GOLGA7: variants seen among roughly 807,000 people sequenced by gnomAD.
GOLGA7 encodes the protein golgin A7.
A neutral mutation model predicts 21.1 loss-of-function variants in GOLGA7; 10 were observed. The observed-to-expected ratio is 0.47, with a 90% CI of 0.29 to 0.80. The LOEUF (loss-of-function observed/expected upper bound fraction) is 0.80. GOLGA7 is among the 30% of genes least tolerant of loss of function. GOLGA7 has a pLI of 0.08. For synonymous variants in GOLGA7, 64 were observed against 62.6 expected, an observed-to-expected ratio of 1.02 and a Z score of -0.10; for missense variants, 114 against 166.8, an observed-to-expected ratio of 0.68 and a Z score of 1.74.
intron 2 of GOLGA7, among the ~76,000 whole-genome samples, chr8:41,504,412 C>T (rs538171768): frequency 6.6e-6 from 1 of 152,214 alleles, no homozygotes; most frequent in East Asian, 1.9e-4. Context: ...CTTAGTTGGG[C>T]ACCTTTATGG....
At chr8:41,505,573 A>T (rs111291705) in intron 2 of GOLGA7, among the ~76,000 whole-genome samples, 3,268 of 152,330 alleles carry the variant, frequency 0.021, 63 homozygotes, top group Middle Eastern at 0.061. Context: ...AAGCTTGAGC[A>T]GCCATTGTGT....
chr8:41,493,353 G>T (rs1805931367), intron 1 of GOLGA7, among the ~76,000 whole-genome samples: 1 of 152,178 alleles, frequency 6.6e-6, no homozygotes, highest in East Asian at 1.9e-4. Flanking sequence ...ACATAATAGA[G>T]AAAGTGACTA....
chr8:41,496,461 A>G (rs1806016368), intron 1 of GOLGA7, among the ~76,000 whole-genome samples: 1 of 152,172 alleles, frequency 6.6e-6, no homozygotes, highest in African/African-American at 2.4e-5. Flanking sequence ...GTATTAGTGT[A>G]AATTTAAGAT....
At chr8:41,504,128 A>AAAC (rs1806220237) in intron 2 of GOLGA7, among the ~76,000 whole-genome samples, 1 of 116,258 alleles carries the variant, frequency 8.6e-6, no homozygotes, top group Non-Finnish European at 1.8e-5. Flanking sequence ...AATAAAAAAA[A>AAAC]AAAAAAAACA....
intron 2 of GOLGA7, among the ~76,000 whole-genome samples, chr8:41,501,308 A>AT (rs58977260): frequency 0.15 from 22,073 of 143,556 alleles, 2,224 homozygotes; most frequent in African/African-American, 0.3. Context: ...CTTGAGGTCG[A>AT]TTTTTTTTTT....
intron 2 of GOLGA7, among the ~76,000 whole-genome samples, chr8:41,505,072 A>G (rs918031718): frequency 2.0e-5 from 3 of 152,222 alleles, no homozygotes; most frequent in African/African-American, 7.2e-5. Flanking sequence ...TAAAACATGT[A>G]ACTCTTTGAT....
chr8:41,499,958 T>C (rs1157989285), intron 2 of GOLGA7, among the ~76,000 whole-genome samples: 2 of 152,220 alleles, frequency 1.3e-5, no homozygotes, highest in African/African-American at 4.8e-5. Flanking sequence ...CTGTTTAAAC[T>C]TTCAAAATCA....
intron 1 of GOLGA7, among the ~76,000 whole-genome samples, chr8:41,493,263 CTACTACTT>C (rs1419464714): frequency 6.6e-6 from 1 of 152,200 alleles, no homozygotes; most frequent in Non-Finnish European, 1.5e-5. Flanking sequence ...TTCTGTTTCT[CTACTACTT>C]ACCCTAGAAA....
chr8:41,506,875 A>G (rs1806299684), intron 3 of GOLGA7, among the ~76,000 whole-genome samples, 184 bp from the exon 4 acceptor site: 1 of 152,212 alleles, frequency 6.6e-6, no homozygotes, highest in South Asian at 2.1e-4. Flanking sequence ...GTGGACTACT[A>G]TAATTACATT....
At chr8:41,492,064 A>G (rs1028013737) in intron 1 of GOLGA7, among the ~76,000 whole-genome samples, 3 of 152,236 alleles carry the variant, frequency 2.0e-5, no homozygotes, top group Non-Finnish European at 4.4e-5. Context: ...ACAATGATCC[A>G]TTATAGTTTC....
rs867483397 is a variant in GOLGA7 at position 41,493,762 on chromosome 8, G to T, written c.111+2797G>T. Among the ~76,000 whole-genome samples the T allele has an allele frequency of 6.4e-4, 97 of 152,260 alleles. 2 individuals carry two copies. Among genetic ancestry groups the T allele is most frequent in the Middle Eastern group, 3.4e-3 (1 of 294 alleles). On this transcript the variant is annotated intron_variant, in intron 1 of 4. Transcript: ENST00000357743. ...ACAGTAATTCTGGGAAAATAAGCCT[G>T]ATTTCTCTTTCCATTCTGATTTTTG...
chr8:41,490,684 C>T lies in GOLGA7; in HGVS notation c.-171C>T. The T allele has an allele frequency of 3.6e-6, 2 of 553,606 alleles. No homozygotes were observed. The highest frequency in any genetic ancestry group is 4.7e-4 in the Middle Eastern group (1 of 2,128). The allele number at this position is 553,606 out of a possible 1,614,324, so 34.3% of individuals were successfully genotyped here. The stretch of plus-strand genomic sequence containing the variant: ...GGCCTGGGCCAGGCGGCAGCTAAGG[C>T]CCGCGGTGACAGCATGGGTGAAGGG... On this transcript the variant is annotated 5_prime_UTR_variant, in exon 1 of 5. Transcript: ENST00000357743.
chr8:41,491,444 AT>A (rs1391670712), intron 1 of GOLGA7, among the ~76,000 whole-genome samples: 1 of 152,160 alleles, frequency 6.6e-6, no homozygotes, highest in Admixed American at 6.5e-5. Flanking sequence ...TATTAGGTGC[AT>A]GGCCAGGCGG....
At chr8:41,509,243 GTAGATATTGT>G (rs1351527175) in intron 4 of GOLGA7, among the ~76,000 whole-genome samples, 5 of 152,176 alleles carry the variant, frequency 3.3e-5, no homozygotes, top group African/African-American at 1.2e-4. Context: ...ACCCTATGAG[GTAGATATTGT>G]TATCCCTGTT....
At chr8:41,499,569 T>C (rs1806101403) in intron 2 of GOLGA7, among the ~76,000 whole-genome samples, 1 of 152,168 alleles carries the variant, frequency 6.6e-6, no homozygotes, top group Non-Finnish European at 1.5e-5. Flanking sequence ...CTGGCCAAAC[T>C]CCACCTGATT....
chr8:41,494,242 G>A (rs1585594693), intron 1 of GOLGA7, among the ~76,000 whole-genome samples: 1 of 152,174 alleles, frequency 6.6e-6, no homozygotes, highest in African/African-American at 2.4e-5. Flanking sequence ...TCTGGGGGTT[G>A]AGGTAGGAGT....
intron 2 of GOLGA7, among the ~76,000 whole-genome samples, chr8:41,504,120 T>TTAAA (rs71546394): frequency 4.1e-5 from 5 of 121,226 alleles, no homozygotes; most frequent in East Asian, 2.6e-4. Context: ...TAGAGTATAA[T>TTAAA]AAAAAAAAAA....
At chr8:41,508,760 T>G (rs1303800543) in intron 4 of GOLGA7, among the ~76,000 whole-genome samples, 3 of 152,244 alleles carry the variant, frequency 2.0e-5, no homozygotes, top group Non-Finnish European at 4.4e-5. Context: ...CTTTCATGAA[T>G]GCAGATATTT....
intron 2 of GOLGA7, among the ~76,000 whole-genome samples, chr8:41,499,909 T>C (rs544230225): frequency 2.6e-5 from 4 of 152,242 alleles, no homozygotes; most frequent in African/African-American, 4.8e-5. Flanking sequence ...GGGACCGTGC[T>C]CTTCCCTTCC....
Sources: allele counts gnomAD v4.1 joint callset (sites outside exome capture counted in the v4.1 genomes callset), GRCh38; gene constraint gnomAD v4.1.1; transcripts MANE v1.5; gene names NCBI Gene and HGNC (gene_info 2026-07-23, HGNC 2026-07-21).